The following SMARCA2 variants were observed in gnomAD, a reference collection of about 807,000 sequenced individuals.
The protein encoded by SMARCA2 is SWI/SNF related BAF chromatin remodeling complex subunit ATPase 2.
Under a neutral mutation model 199.8 loss-of-function variants are expected in SMARCA2, and 61 were observed. The ratio of observed to expected loss-of-function variants is 0.31; its 90% CI spans 0.25 to 0.38. SMARCA2 has a LOEUF of 0.38. SMARCA2 is among the 10% of genes least tolerant of loss of function. The pLI, the probability that SMARCA2 is intolerant of heterozygous loss-of-function variation, is 1.00. For synonymous variants in SMARCA2, 935 were observed against 732.0 expected (o/e 1.28, Z -4.48); for missense variants, 1,344 against 2,012.2 (o/e 0.67, Z 6.35).
At chr9:2,053,783 A>G (rs769999620) in intron 5 of SMARCA2, among the ~76,000 whole-genome samples, 1 of 152,204 alleles carries the variant, frequency 6.6e-6, no homozygotes, top group Non-Finnish European at 1.5e-5. Flanking sequence ...TAAAACCAGC[A>G]GTTTATATAT....
At chr9:2,117,860 C>A (rs1237061719) in intron 25 of SMARCA2, among the ~76,000 whole-genome samples, 1 of 152,116 alleles carries the variant, frequency 6.6e-6, no homozygotes, top group Non-Finnish European at 1.5e-5. Context: ...TTCAGGGGGG[C>A]TTGTGTCCTG....
Position 2,115,528 on chromosome 9 carries a change from A to T in SMARCA2, c.3457-294A>T, listed in dbSNP as rs1164197326. Among the ~76,000 whole-genome samples, 1 of 152,200 alleles carries T rather than the reference A, an allele frequency of 6.6e-6. No homozygotes were observed. Among genetic ancestry groups the T allele is most frequent in the Non-Finnish European group, 1.5e-5 (1 of 68,026 alleles). On this transcript the variant is annotated intron_variant, in intron 24 of 33. Transcript: ENST00000349721. The surrounding 1 kb of genome is among the most constrained non-coding windows in gnomAD (Gnocchi z 6.0). ...TGGTGTCTTGTTTAATGTTTTAGAT[A>T]TGGACTAAATCTGATGGGGAACCTA... is the stretch of plus-strand genomic sequence containing the variant.
intron 29 of SMARCA2, among the ~76,000 whole-genome samples, chr9:2,176,051 T>TTTTA (rs1277247000): frequency 1.3e-5 from 2 of 152,058 alleles, no homozygotes; most frequent in Non-Finnish European, 2.9e-5. Context: ...CGGCTAATTT[T>TTTTA]TTTATTTTTG....
Position 2,191,333 on chromosome 9 carries a change from CAAGAAAAGGCCAAATCG to C in SMARCA2, c.4664_4680del (p.Lys1555ArgfsTer11), listed in dbSNP as rs1254330100. ...ACAAAGGCCGGGACAAAGGGAAAGGCAAGAAAAGGCCAAATCGAGGAAAAGCCAAACCTGTAGTGAGC... is the reference window on the plus strand; with the variant it reads ...ACAAAGGCCGGGACAAAGGGAAAGGCAGGAAAAGCCAAACCTGTAGTGAGC... On this transcript the variant is annotated frameshift_variant, in exon 33 of 34. Transcript: ENST00000349721. LOFTEE classifies it high-confidence loss of function. 1 of 1,614,030 alleles carries C rather than the reference CAAGAAAAGGCCAAATCG, an allele frequency of 6.2e-7. No individual in the cohort carries two copies. The highest frequency in any genetic ancestry group is 8.5e-7 in the Non-Finnish European group (1 of 1,180,018).
chr9:2,049,438 C>G (rs1413682656), intron 5 of SMARCA2, among the ~76,000 whole-genome samples: 1 of 152,178 alleles, frequency 6.6e-6, no homozygotes, highest in Non-Finnish European at 1.5e-5. Flanking sequence ...ATAAAAAATG[C>G]TGTCAGTATC....
At chr9:2,038,165 A>C (rs1248248896) in intron 3 of SMARCA2, among the ~76,000 whole-genome samples, 1 of 152,232 alleles carries the variant, frequency 6.6e-6, no homozygotes, top group African/African-American at 2.4e-5. Context: ...TGGAAAGGGC[A>C]TATGCATTAG....
rs1311462219 is a variant in SMARCA2 at position 2,017,764 on chromosome 9, C to G, written c.-37+2360C>G. The G allele has an allele frequency of 6.6e-6, 1 of 152,340 alleles. No individual in the cohort carries two copies. The highest frequency in any genetic ancestry group is 1.5e-5 in the Non-Finnish European group (1 of 68,162). 9.4% of individuals were successfully genotyped at this position (152,340 alleles called of 1,614,324 possible). Reference sequence around the variant, plus strand: ...GGCCGCGCCGCCACCCCAAGCTCCGCGAACCCCGCGCCCCTTTTTGTTCCG... The same window carrying G: ...GGCCGCGCCGCCACCCCAAGCTCCGGGAACCCCGCGCCCCTTTTTGTTCCG... On this transcript the variant is annotated intron_variant, in intron 1 of 33. Coordinates refer to ENST00000349721, the MANE Select transcript of SMARCA2 (RefSeq NM_003070.5). This position sits in a 1 kb window ranked among gnomAD's most constrained non-coding sequence, Gnocchi z 8.8.
rs1823191094 is a variant in SMARCA2, at chr9:2,115,801, GCA to G, written c.3457-20_3457-19del. Reference sequence around the variant, plus strand: ...TATGCCAGGCATCTCAGTCCTCATAGCATATTGACCCCCCAAACAGGATCTGC... The same window carrying G: ...TATGCCAGGCATCTCAGTCCTCATAGTATTGACCCCCCAAACAGGATCTGC... On this transcript the variant is annotated intron_variant, in intron 24 of 33. Coordinates refer to ENST00000349721, the MANE Select transcript of SMARCA2 (RefSeq NM_003070.5). This position sits in a 1 kb window ranked among gnomAD's most constrained non-coding sequence, Gnocchi z 6.0. 1.2e-6 allele frequency: 2 copies of G among 1,607,164 alleles called. No homozygotes were observed. The highest frequency in any genetic ancestry group is 2.7e-5 in the African/African-American group (2 of 74,798).
intron 1 of SMARCA2, chr9:2,027,684 C>T (rs1163844225): frequency 6.6e-6 from 1 of 152,228 alleles, no homozygotes; most frequent in South Asian, 2.1e-4. Context: ...TGTGTACTGC[C>T]CCTCCAGCCC....
At chr9:2,181,807 G>C (rs1163384313) in intron 30 of SMARCA2, 131 bp downstream of exon 30, 1 of 632,776 alleles carries the variant, frequency 1.6e-6, no homozygotes, top group African/African-American at 1.8e-5. Flanking sequence ...AGGTTGGGAT[G>C]TCCTTGTGCT....
At chr9:2,140,545 C>T (rs1020915446) in intron 27 of SMARCA2, among the ~76,000 whole-genome samples, 3 of 152,186 alleles carry the variant, frequency 2.0e-5, no homozygotes, top group Admixed American at 6.5e-5. Context: ...AACCCCCAAA[C>T]GCCTGAAGCT....
intron 7 of SMARCA2, among the ~76,000 whole-genome samples, chr9:2,057,705 T>C (rs1048189047): frequency 2.0e-5 from 3 of 152,220 alleles, no homozygotes; most frequent in Admixed American, 2.0e-4. Flanking sequence ...TTTCCTGTCA[T>C]AGTCCTGTAA....
chr9:2,142,557 C>T (rs1045308811), intron 27 of SMARCA2, among the ~76,000 whole-genome samples: 3 of 152,120 alleles, frequency 2.0e-5, no homozygotes, highest in Admixed American at 6.6e-5. Flanking sequence ...GAGTCTAGTG[C>T]AGGAGGTCAG....
chr9:2,160,226 T>C (rs1825593645), intron 27 of SMARCA2: 3 of 362,710 alleles, frequency 8.3e-6, no homozygotes, highest in African/African-American at 4.4e-5. Flanking sequence ...TTTTTTTTTT[T>C]CCTTTTCCTT....
At chr9:2,049,717 G>A (rs766954229) in intron 5 of SMARCA2, among the ~76,000 whole-genome samples, 2 of 152,142 alleles carry the variant, frequency 1.3e-5, no homozygotes, top group African/African-American at 4.8e-5. Context: ...CCTATTTGAA[G>A]GTAAGTTGTT....
At chr9:2,060,686 A>C (rs1223997330) in intron 8 of SMARCA2, 130 bp from the exon 9 acceptor site, 1 of 744,992 alleles carries the variant, frequency 1.3e-6, no homozygotes, top group Non-Finnish European at 2.2e-6. Flanking sequence ...TGGCTTGAAC[A>C]GCCCAACTCA....
chr9:2,159,922 T>C lies in SMARCA2; in HGVS notation c.3982-1764T>C, dbSNP rs767843210. The C allele has an allele frequency of 8.7e-6, 14 of 1,606,016 alleles. No individual in the cohort carries two copies. In the East Asian group the frequency reaches 2.7e-4, roughly 31 times the overall value. On this transcript the variant is annotated intron_variant, in intron 27 of 33. Coordinates refer to ENST00000349721, the MANE Select transcript of SMARCA2 (RefSeq NM_003070.5). The stretch of plus-strand genomic sequence containing the variant: ...TGATAGTGGTAAGGTAAATATCCTT[T>C]TTCGTTGCCGTCTTGAAGATTCAGT...
intron 27 of SMARCA2, among the ~76,000 whole-genome samples, chr9:2,125,230 C>T (rs1014245400): frequency 6.6e-6 from 1 of 152,164 alleles, no homozygotes; most frequent in African/African-American, 2.4e-5. Flanking sequence ...TGTGGTTGAA[C>T]CGTTGTGTAT....
In SMARCA2 at chr9:2,073,197, T is replaced by A. The variant is rs1281907010; in HGVS notation, c.1747-15T>A. 1 of 1,613,904 alleles carries A rather than the reference T, an allele frequency of 6.2e-7. No homozygotes were observed. Among genetic ancestry groups the A allele is most frequent in the Non-Finnish European group, 8.5e-7 (1 of 1,179,944 alleles). ...CTTAACATGAAACCGTGACATGATT[T>A]TCCCTCCTTTGTAGCCCATAGATGA... On this transcript the variant is annotated splice_polypyrimidine_tract_variant and intron_variant, in intron 10 of 33. Coordinates refer to ENST00000349721, the MANE Select transcript of SMARCA2 (RefSeq NM_003070.5).
Sources: allele counts gnomAD v4.1 joint callset (sites outside exome capture counted in the v4.1 genomes callset), GRCh38; gene constraint gnomAD v4.1.1; non-coding constraint Gnocchi (gnomAD v3.1); transcripts MANE v1.5; gene names NCBI Gene and HGNC (gene_info 2026-07-23, HGNC 2026-07-21).